TET1: variants seen among roughly 807,000 people sequenced by gnomAD.
TET1 encodes the protein tet methylcytosine dioxygenase 1.
Under a neutral mutation model 148.7 loss-of-function variants are expected in TET1, and 13 were observed. The observed-to-expected ratio is 0.09, with a 90% confidence interval of 0.06 to 0.14. The LOEUF is 0.14. Among genes scored for constraint, TET1 ranks in the 10% least tolerant of loss-of-function variants. The pLI, the probability that TET1 is intolerant of heterozygous loss-of-function variation, is 1.00. For synonymous variants in TET1, 907 were observed against 937.2 expected, an observed-to-expected ratio of 0.97 and a Z score of 0.59; for missense variants, 2,182 against 2,553.8, an observed-to-expected ratio of 0.85 and a Z score of 3.14.
chr10:68,672,641 A>G (rs925349387), intron 7 of TET1, among the ~76,000 whole-genome samples: 6 of 152,014 alleles, frequency 3.9e-5, no homozygotes, highest in Admixed American at 2.6e-4. Context: ...TGCAATCATG[A>G]CCAAATATTT....
At chr10:68,578,627 T>A (rs2053758476) in intron 2 of TET1, among the ~76,000 whole-genome samples, 1 of 152,042 alleles carries the variant, frequency 6.6e-6, no homozygotes, top group Non-Finnish European at 1.5e-5. Flanking sequence ...TTTTAACGAG[T>A]CCTGATAAGA....
chr10:68,682,702 A>G (rs1206038751), intron 9 of TET1, 134 bp from the exon 10 acceptor site: 2 of 1,023,168 alleles, frequency 2.0e-6, no homozygotes, highest in Admixed American at 2.9e-5. Context: ...CTTCATGACA[A>G]TAATACATTT....
chr10:68,611,642 G>GTGTGTGCC (rs2054212136), intron 3 of TET1, among the ~76,000 whole-genome samples: 1 of 135,424 alleles, frequency 7.4e-6, no homozygotes, highest in Admixed American at 7.5e-5. Flanking sequence ...AATTGTCAGA[G>GTGTGTGCC]ACCCTTTCTT....
At chr10:68,662,222 C>T (rs1188792167) in intron 6 of TET1, among the ~76,000 whole-genome samples, 1 of 151,710 alleles carries the variant, frequency 6.6e-6, no homozygotes, top group South Asian at 2.1e-4. Context: ...TTGGCCAGGC[C>T]AGTCTCGAAC....
At chr10:68,619,691 T>C (rs747601413) in intron 3 of TET1, among the ~76,000 whole-genome samples, 3 of 152,200 alleles carry the variant, frequency 2.0e-5, no homozygotes, top group African/African-American at 7.2e-5. Flanking sequence ...ATGGTGAGGA[T>C]ATTTGAAATG....
chr10:68,569,877 C>CT lies in TET1; in HGVS notation c.-122-2338dup, dbSNP rs199776215. On this transcript the variant is annotated intron_variant, in intron 1 of 11. Coordinates refer to ENST00000373644, the MANE Select transcript of TET1 (RefSeq NM_030625.3). ...CCCCATGCTTACCTTATTTGAGGAACTTCATCAACTTAAATCATTTGTTGT... is the reference window on the plus strand; with the variant it reads ...CCCCATGCTTACCTTATTTGAGGAACTTTCATCAACTTAAATCATTTGTTGT... Among the ~76,000 whole-genome samples the CT allele has an allele frequency of 3.5e-3, 529 of 151,444 alleles. 6 individuals carry two copies. The highest frequency in any genetic ancestry group is 0.012 in the African/African-American group (507 of 41,382).
chr10:68,660,648 T>A (rs1039144687), intron 6 of TET1, among the ~76,000 whole-genome samples: 22 of 143,870 alleles, frequency 1.5e-4, no homozygotes, highest in Non-Finnish European at 3.0e-5. Context: ...TTTTTTTTTT[T>A]ACTTTTTAAA....
intron 2 of TET1, among the ~76,000 whole-genome samples, chr10:68,575,837 C>T (rs1294683070): frequency 2.0e-5 from 3 of 151,102 alleles, no homozygotes; most frequent in Admixed American, 6.6e-5. Context: ...CTGGCTAACA[C>T]GGTGAAACCC....
chr10:68,679,552 T>C (rs1210085063), intron 8 of TET1, among the ~76,000 whole-genome samples: 2 of 152,206 alleles, frequency 1.3e-5, no homozygotes, highest in Admixed American at 6.5e-5. Flanking sequence ...CTTCCAGTGA[T>C]TGAAGATATA....
At chr10:68,653,248 T>C (rs2054967007) in intron 6 of TET1, among the ~76,000 whole-genome samples, 1 of 152,206 alleles carries the variant, frequency 6.6e-6, no homozygotes, top group Non-Finnish European at 1.5e-5. Context: ...AGATGGCTAC[T>C]CAGTTATCCA....
Position 68,693,572 on chromosome 10 carries a change from G to A in TET1, c.*1758G>A, listed in dbSNP as rs139306218. The A allele has an allele frequency of 2.9e-3, 680 of 232,784 alleles. 3 individuals carry two copies. Among genetic ancestry groups the A allele is most frequent in the African/African-American group, 0.013 (599 of 45,404 alleles). The allele number at this position is 232,784 out of a possible 1,614,324, so 14.4% of individuals were successfully genotyped here. A position where few individuals can be genotyped will look rare whatever the true frequency, so the allele number is the denominator to read the frequency against. ...ACAAAATGTCCATTGATAGACCATC[G>A]TGTACAAGTAGATTTCTGCTTGTTG... On this transcript the variant is annotated 3_prime_UTR_variant, in exon 12 of 12. Transcript: ENST00000373644.
Position 68,645,014 on chromosome 10 carries a change from A to G in TET1, c.2285A>G (p.His762Arg), listed in dbSNP as rs762991587. 5 of 1,613,800 alleles carry G rather than the reference A, an allele frequency of 3.1e-6. No homozygotes were observed. Among genetic ancestry groups the G allele is most frequent in the South Asian group, 2.2e-5 (2 of 90,982 alleles). Residue 762 changes from histidine (H) to arginine (R), a missense_variant, in exon 4 of 12, where the codon CAT becomes CGT. Around this residue, in one of 11 missense-constraint regions of TET1, gnomAD observed 226 missense variants for 307.4 expected, o/e 0.74. Transcript: ENST00000373644. ...FVQTVRNGIK[H>R]VHCLPAETNV... is the part of the protein sequence containing the mutation. ...CAAACCGTAAGAAATGGCATTAAACATGTACACTGTTTACCAGCTGAAACA... is the reference window on the plus strand; with the variant it reads ...CAAACCGTAAGAAATGGCATTAAACGTGTACACTGTTTACCAGCTGAAACA...
intron 2 of TET1, among the ~76,000 whole-genome samples, chr10:68,577,199 C>T (rs976883379): frequency 4.6e-5 from 7 of 152,156 alleles, no homozygotes; most frequent in Middle Eastern, 3.4e-3. Flanking sequence ...CGTGAGCCAC[C>T]GTGCCCAGCC....
intron 1 of TET1, among the ~76,000 whole-genome samples, chr10:68,569,166 C>CTTTTTTTTTTTTTTTTTTTTT (rs34385747): frequency 2.1e-4 from 15 of 69,778 alleles, no homozygotes; most frequent in Non-Finnish European, 3.4e-4. Context: ...AGGAGAGTTT[C>CTTTTTTTTTTTTTTTTTTTTT]TTTTTTTTTT....
intron 3 of TET1, among the ~76,000 whole-genome samples, chr10:68,612,287 A>G (rs2054227783): frequency 6.6e-6 from 1 of 151,994 alleles, no homozygotes; most frequent in South Asian, 2.1e-4. Flanking sequence ...ACGAGGTTTC[A>G]CCATGTTGGC....
chr10:68,672,381 A>G (rs1046113763), intron 7 of TET1, among the ~76,000 whole-genome samples: 1 of 149,372 alleles, frequency 6.7e-6, no homozygotes. Flanking sequence ...TCGGCTACTC[A>G]GGAGGCTGAA....
chr10:68,590,164 G>T (rs1214725942), intron 2 of TET1, among the ~76,000 whole-genome samples: 2 of 151,986 alleles, frequency 1.3e-5, no homozygotes, highest in Admixed American at 6.6e-5. Context: ...CCAGTCTGGA[G>T]TGCAGTAGTG....
chr10:68,624,568 C>A (rs1237816948), intron 3 of TET1, among the ~76,000 whole-genome samples: 1 of 151,968 alleles, frequency 6.6e-6, no homozygotes, highest in Non-Finnish European at 1.5e-5. Flanking sequence ...GGATTACAGG[C>A]GTGAGCCACC....
intron 3 of TET1, among the ~76,000 whole-genome samples, chr10:68,638,589 A>C (rs1432923572): frequency 6.6e-6 from 1 of 152,206 alleles, no homozygotes; most frequent in African/African-American, 2.4e-5. Flanking sequence ...GGTGAAGATG[A>C]AAAACAGTTG....
Sources: allele counts gnomAD v4.1 joint callset (sites outside exome capture counted in the v4.1 genomes callset), GRCh38; gene constraint gnomAD v4.1.1; regional missense constraint gnomAD v4.1.1; transcripts MANE v1.5; gene names NCBI Gene and HGNC (gene_info 2026-07-23, HGNC 2026-07-21).